Variants in GPR173 observed in about 807,000 individuals in gnomAD.
The protein encoded by GPR173 is probable G protein-coupled receptor 173.
A neutral mutation model predicts 13.9 loss-of-function variants in GPR173; 2 were observed. The ratio of observed to expected loss-of-function variants is 0.14; its 90% CI spans 0.06 to 0.45. The LOEUF is 0.45. GPR173 is among the 20% of genes least tolerant of loss of function. GPR173 has a pLI of 0.98. For missense variants in GPR173, 202 were observed against 340.5 expected, an observed-to-expected ratio of 0.59 and a Z score of 3.20; for synonymous variants, 131 against 141.0, an observed-to-expected ratio of 0.93 and a Z score of 0.50.
intron 1 of GPR173, among the ~76,000 whole-genome samples, chrX:53,072,269 G>C (rs924853245): frequency 9.2e-6 from 1 of 108,570 alleles, no homozygotes; most frequent in African/African-American, 3.4e-5. Flanking sequence ...CTTTATTTCT[G>C]TCTCTCTCTC....
chrX:53,079,280 C>T lies in GPR173; in HGVS notation c.*1537C>T, dbSNP rs1184626497. ...AGCCCCAGAACTGGGGAAGCCTGAC[C>T]CATACAGAATGGGGAGGGCACTCTA... is the stretch of plus-strand genomic sequence containing the variant. On this transcript the variant is annotated 3_prime_UTR_variant, in exon 2 of 2. Coordinates refer to ENST00000332582, the MANE Select transcript of GPR173 (RefSeq NM_018969.6). 1 of 122,212 alleles carries T rather than the reference C, an allele frequency of 8.2e-6. No individual in the cohort carries two copies. The highest frequency in any genetic ancestry group is 1.9e-5 in the Non-Finnish European group (1 of 52,945). The allele number at this position is 122,212 out of a possible 1,213,427, so 10.1% of individuals were successfully genotyped here. A position where few individuals can be genotyped will look rare whatever the true frequency, so the allele number is the denominator to read the frequency against.
intron 1 of GPR173, among the ~76,000 whole-genome samples, chrX:53,060,308 A>G (rs1257956854): frequency 2.7e-5 from 3 of 109,703 alleles, no homozygotes; most frequent in Non-Finnish European, 5.7e-5. Context: ...GGCCGGTCGC[A>G]GTGGCTCATG....
chrX:53,061,991 A>AAGAAGAGAAG (rs1556803835), intron 1 of GPR173, among the ~76,000 whole-genome samples: 119 of 105,542 alleles, frequency 1.1e-3, no homozygotes, highest in African/African-American at 3.0e-3. Context: ...AGGGAAGAGA[A>AAGAAGAGAAG]AGAAGAGAAG....
intron 1 of GPR173, among the ~76,000 whole-genome samples, chrX:53,058,915 T>C (rs1372261823): frequency 9.1e-6 from 1 of 110,475 alleles, no homozygotes; most frequent in African/African-American, 3.3e-5. Context: ...TTTTTTTTTT[T>C]TCGTAGAAGA....
At chrX:53,069,290 G>C (rs1189777817) in intron 1 of GPR173, among the ~76,000 whole-genome samples, 6 of 100,589 alleles carry the variant, frequency 6.0e-5, no homozygotes, top group Admixed American at 2.1e-4. Context: ...AAAAAAAACA[G>C]AAAAGAAAAC....
chrX:53,062,388 G>A (rs1281787267), intron 1 of GPR173, among the ~76,000 whole-genome samples: 2 of 109,442 alleles, frequency 1.8e-5, no homozygotes, highest in African/African-American at 3.3e-5. Context: ...TTCATCCTGA[G>A]GCAAATTTCT....
chrX:53,075,886 T>C (rs1398589379), intron 1 of GPR173, among the ~76,000 whole-genome samples: 2 of 112,151 alleles, frequency 1.8e-5, no homozygotes, highest in Middle Eastern at 4.6e-3. Context: ...CAGTACTGTT[T>C]TGTGAAACTT....
At chrX:53,060,981 A>AT (rs1569221701) in intron 1 of GPR173, among the ~76,000 whole-genome samples, 1 of 106,139 alleles carries the variant, frequency 9.4e-6, no homozygotes, top group Admixed American at 1.0e-4. Flanking sequence ...TTTTGAGGCT[A>AT]ACTGTATACC....
chrX:53,075,462 CA>C (rs2146685907), intron 1 of GPR173, among the ~76,000 whole-genome samples: 1 of 104,011 alleles, frequency 9.6e-6, no homozygotes, highest in Non-Finnish European at 2.0e-5. Flanking sequence ...GTCGGTTCCA[CA>C]AGGGCCGGGA....
intron 1 of GPR173, among the ~76,000 whole-genome samples, chrX:53,076,125 A>G (rs1423435627): frequency 9.0e-6 from 1 of 111,237 alleles, no homozygotes; most frequent in African/African-American, 3.3e-5. Flanking sequence ...AGGAGCGGGT[A>G]GGAGCAGGAG....
At chrX:53,059,374 C>G (rs1341256271) in intron 1 of GPR173, among the ~76,000 whole-genome samples, 3 of 108,747 alleles carry the variant, frequency 2.8e-5, no homozygotes, top group Non-Finnish European at 3.8e-5. Flanking sequence ...CTCACTGCAA[C>G]CTCCGCCTCC....
intron 1 of GPR173, among the ~76,000 whole-genome samples, chrX:53,052,925 C>T (rs1931982672): frequency 9.0e-6 from 1 of 110,922 alleles, no homozygotes. Context: ...CAGTTGTGTG[C>T]ATGTGAGTGT....
chrX:53,059,041 A>G (rs1477517092), intron 1 of GPR173, among the ~76,000 whole-genome samples: 2 of 107,712 alleles, frequency 1.9e-5, no homozygotes, highest in African/African-American at 6.8e-5. Flanking sequence ...CGAGGTCAGG[A>G]GATCAAGACC....
chrX:53,076,921 C>T lies in GPR173; in HGVS notation c.300C>T (p.Ala100=), dbSNP rs376512586. 2.0e-5 allele frequency: 24 copies of T among 1,208,659 alleles called. No individual in the cohort carries two copies. Among genetic ancestry groups the T allele is most frequent in the Non-Finnish European group, 2.7e-5 (24 of 894,826 alleles). The stretch of plus-strand genomic sequence containing the variant: ...GTGCACTCAGCTGCAAGATTGTGGC[C>T]TTTATGGCCGTGCTCTTTTGCTTCC... The part of the protein sequence containing the change: ...TFSALSCKIV[A]FMAVLFCFHA... Residue 100 remains alanine (A), a synonymous_variant, in exon 2 of 2, where the codon GCC becomes GCT. Coordinates refer to ENST00000332582, the MANE Select transcript of GPR173 (RefSeq NM_018969.6).
chrX:53,076,373 ATC>A (rs200211568), intron 1 of GPR173, among the ~76,000 whole-genome samples, 150 bp from the exon 2 acceptor site: 9 of 95,015 alleles, frequency 9.5e-5, no homozygotes, highest in Admixed American at 1.1e-4. Context: ...TCTTTGTTCT[ATC>A]TCTCTCTCTC....
rs1556806163 is a variant in GPR173, at chrX:53,078,028, C to G, written c.*285C>G. The G allele has an allele frequency of 1.8e-5, 6 of 325,565 alleles. No individual in the cohort carries two copies. The highest frequency in any genetic ancestry group is 5.4e-5 in the African/African-American group (2 of 37,354). The allele number at this position is 325,565 out of a possible 1,213,427, so 26.8% of individuals were successfully genotyped here. ...TCTCTCTCTCTCTCTGTCTCTCTCTCTCTCTCTCTCTCTCTCTCAGAAGTG... is the reference window on the plus strand; with the variant it reads ...TCTCTCTCTCTCTCTGTCTCTCTCTGTCTCTCTCTCTCTCTCTCAGAAGTG... On this transcript the variant is annotated 3_prime_UTR_variant, in exon 2 of 2. Transcript: ENST00000332582.
chrX:53,059,452 C>G (rs1556803524), intron 1 of GPR173, among the ~76,000 whole-genome samples: 3 of 106,200 alleles, frequency 2.8e-5, no homozygotes. Flanking sequence ...ATATAATCAG[C>G]AATTTAGCTG....
rs989389013 is a variant in GPR173, at chrX:53,079,853, A to G, written c.*2110A>G. Reference sequence around the variant, plus strand: ...TGGTAGGAAGTCGAGTGGTCAAGAGATGGATCTTGGAAACTACATAGGTCG... The same window carrying G: ...TGGTAGGAAGTCGAGTGGTCAAGAGGTGGATCTTGGAAACTACATAGGTCG... On this transcript the variant is annotated 3_prime_UTR_variant, in exon 2 of 2. Transcript: ENST00000332582. 8 of 122,557 alleles carry G rather than the reference A, an allele frequency of 6.5e-5. No homozygotes were observed. Among genetic ancestry groups the G allele is most frequent in the African/African-American group, 2.6e-4 (8 of 30,508 alleles). 10.1% of individuals were successfully genotyped at this position (122,557 alleles called of 1,213,427 possible). A position where few individuals can be genotyped will look rare whatever the true frequency, so the allele number is the denominator to read the frequency against.
At chrX:53,070,876 ATTT>A (rs1556804711) in intron 1 of GPR173, 1 of 112,308 alleles carries the variant, frequency 8.9e-6, no homozygotes, top group Non-Finnish European at 1.9e-5. Flanking sequence ...AAGAAAAATG[ATTT>A]ATAAGAAAAC....
Sources: gnomAD v4.1 joint callset for allele counts (sites outside exome capture counted in the v4.1 genomes callset) on GRCh38, gnomAD v4.1.1 for gene constraint, MANE v1.5 for transcripts, NCBI Gene and HGNC (gene_info 2026-07-23, HGNC 2026-07-21) for gene names.